PTPN9: variants seen among roughly 807,000 people sequenced by gnomAD.
PTPN9 encodes the protein tyrosine-protein phosphatase non-receptor type 9.
Under a neutral mutation model 69.8 loss-of-function variants are expected in PTPN9, and 26 were observed. The observed-to-expected ratio is 0.37, with a 90% CI of 0.27 to 0.52. The LOEUF is 0.52. PTPN9 is among the 20% of genes least tolerant of loss of function. The pLI, the probability that PTPN9 is intolerant of heterozygous loss-of-function variation, is 0.91. For missense variants in PTPN9, 549 were observed against 740.3 expected (o/e 0.74, Z 3.00); for synonymous variants, 274 against 272.5 (o/e 1.01, Z -0.05).
intron 1 of PTPN9, among the ~76,000 whole-genome samples, chr15:75,568,507 C>CAAAAAAAAAAAAAAAA (rs1206871976): frequency 1.8e-5 from 1 of 56,268 alleles, no homozygotes; most frequent in African/African-American, 6.0e-5. Flanking sequence ...GACCTTGTCT[C>CAAAAAAAAAAAAAAAA]AAAAAAAAAA....
intron 8 of PTPN9, among the ~76,000 whole-genome samples, chr15:75,488,609 G>A (rs974147310): frequency 4.0e-5 from 6 of 151,430 alleles, no homozygotes; most frequent in South Asian, 4.2e-4. Flanking sequence ...GCAACACAGC[G>A]AGACCCTAGG....
intron 4 of PTPN9, among the ~76,000 whole-genome samples, chr15:75,519,587 GTTACA>G (rs1490985061): frequency 6.6e-6 from 1 of 151,904 alleles, no homozygotes; most frequent in Non-Finnish European, 1.5e-5. Flanking sequence ...CACCTAATGT[GTTACA>G]TTAGTGTTAA....
chr15:75,554,715 C>A (rs1253950446), intron 1 of PTPN9, among the ~76,000 whole-genome samples: 1 of 152,152 alleles, frequency 6.6e-6, no homozygotes, highest in Non-Finnish European at 1.5e-5. Context: ...AGTTGATCAG[C>A]TTATTGTACC....
chr15:75,470,750 G>C lies in PTPN9; in HGVS notation c.1289C>G (p.Thr430Arg). 1 of 1,614,190 alleles carries C rather than the reference G, an allele frequency of 6.2e-7. No individual in the cohort carries two copies. The highest frequency in any genetic ancestry group is 8.5e-7 in the Non-Finnish European group (1 of 1,180,014). ...KDSRIRFGFL[T>R]VTNLGVENMN... is the part of the protein sequence containing the mutation. ...GTTCTCCACGCCTAGATTGGTCACT[G>C]TGAGGAAGCCAAATCGGATCCGAGA... The change falls in exon 11 of 13, where the codon ACA becomes AGA. Residue 430 changes from threonine to arginine, a missense_variant. Coordinates refer to ENST00000618819, the MANE Select transcript of PTPN9 (RefSeq NM_002833.4).
chr15:75,512,913 GAT>G (rs1286406992), intron 5 of PTPN9: 1 of 366,820 alleles, frequency 2.7e-6, no homozygotes, highest in African/African-American at 2.1e-5. Context: ...TGTTCTTATA[GAT>G]ACATCTGTAG....
chr15:75,557,766 C>A (rs1266855024), intron 1 of PTPN9, among the ~76,000 whole-genome samples: 1 of 152,140 alleles, frequency 6.6e-6, no homozygotes, highest in Non-Finnish European at 1.5e-5. Context: ...AGCATGACAA[C>A]ATGAGAGGTT....
chr15:75,557,526 G>C lies in PTPN9; in HGVS notation c.63+21188C>G, dbSNP rs189986632. On this transcript the variant is annotated intron_variant, in intron 1 of 12. Transcript: ENST00000618819. Reference sequence around the variant, plus strand: ...CTGTTTCAATTCTTTTATATACTTAGGAGTGAAATTTCTGGGTAATATGGT... The same window carrying C: ...CTGTTTCAATTCTTTTATATACTTACGAGTGAAATTTCTGGGTAATATGGT... 2.1e-3 allele frequency among the ~76,000 whole-genome samples: 325 copies of C among 152,178 alleles called. 2 individuals are homozygous for C. Among genetic ancestry groups the C allele is most frequent in the African/African-American group, 7.3e-3 (303 of 41,536 alleles).
At chr15:75,546,485 C>T (rs1294706296) in intron 1 of PTPN9, among the ~76,000 whole-genome samples, 1 of 151,718 alleles carries the variant, frequency 6.6e-6, no homozygotes, top group East Asian at 1.9e-4. Flanking sequence ...CTACTAAAAG[C>T]ATAAAAAATA....
chr15:75,500,470 G>A (rs1377939667), intron 7 of PTPN9, among the ~76,000 whole-genome samples: 3 of 152,076 alleles, frequency 2.0e-5, no homozygotes, highest in Admixed American at 6.6e-5. Flanking sequence ...CCCACAAGGC[G>A]GAGGTTGCAG....
chr15:75,484,872 T>C (rs1363781554), intron 8 of PTPN9, among the ~76,000 whole-genome samples: 1 of 152,186 alleles, frequency 6.6e-6, no homozygotes, highest in African/African-American at 2.4e-5. Flanking sequence ...TCCTAAGATA[T>C]CTCCACCTCA....
At chr15:75,503,388 C>T (rs1462925556) in intron 7 of PTPN9, among the ~76,000 whole-genome samples, 2 of 140,486 alleles carry the variant, frequency 1.4e-5, no homozygotes, top group East Asian at 4.3e-4. Flanking sequence ...AGTGAGGAGA[C>T]CCTCCGCCCA....
chr15:75,480,822 C>G (rs1038846383), intron 8 of PTPN9: 96 of 502,870 alleles, frequency 1.9e-4, no homozygotes, highest in African/African-American at 1.9e-3. Flanking sequence ...CCGCGGGGCC[C>G]GAGGGCAAGG....
chr15:75,476,503 G>C (rs1045041475), intron 9 of PTPN9, among the ~76,000 whole-genome samples: 1 of 152,094 alleles, frequency 6.6e-6, no homozygotes, highest in Non-Finnish European at 1.5e-5. Context: ...TTAGTAGAGA[G>C]GGGGTTTCAT....
intron 1 of PTPN9, among the ~76,000 whole-genome samples, chr15:75,554,620 C>T (rs1290824929): frequency 1.3e-5 from 2 of 152,178 alleles, no homozygotes; most frequent in Admixed American, 6.6e-5. Context: ...AGCCACCATG[C>T]CCGGCCTAGA....
intron 1 of PTPN9, among the ~76,000 whole-genome samples, chr15:75,530,715 ATAATAT>A (rs2074956804): frequency 6.1e-5 from 2 of 32,554 alleles, no homozygotes; most frequent in Admixed American, 5.1e-4. Flanking sequence ...ATATTATTAT[ATAATAT>A]ATATAATATA....
chr15:75,470,812 C>T lies in PTPN9; in HGVS notation c.1227G>A (p.Arg409=). The T allele has an allele frequency of 6.2e-7, 1 of 1,614,154 alleles. No individual in the cohort carries two copies. Among genetic ancestry groups the T allele is most frequent in the South Asian group, 1.1e-5 (1 of 91,072 alleles). ...VMTTRFEEGG[R]RKCGQYWPLE... The stretch of plus-strand genomic sequence containing the variant: ...AAGGCCAGTACTGGCCACACTTTCT[C>T]CTGCCGCCTTCCTCAAAGCTGAAGA... The change falls in exon 11 of 13, where the codon AGG becomes AGA. Residue 409 remains arginine (R), a synonymous_variant. Transcript: ENST00000618819.
In PTPN9 at chr15:75,524,300, TA is replaced by T; in HGVS notation, c.208-3del. ...AATGCCTTCCTTCCTTCGAGTTTCC[TA>T]AAAAGGAAGCACAGCAAAATGTATT... On this transcript the variant is annotated splice_polypyrimidine_tract_variant and splice_region_variant and intron_variant, in intron 2 of 12. Coordinates refer to ENST00000618819, the MANE Select transcript of PTPN9 (RefSeq NM_002833.4). 1 of 1,600,258 alleles carries T rather than the reference TA, an allele frequency of 6.2e-7. No individual in the cohort carries two copies. The highest frequency in any genetic ancestry group is 8.6e-7 in the Non-Finnish European group (1 of 1,168,024).
Position 75,468,605 on chromosome 15 carries a change from A to T in PTPN9, c.*164T>A. Reference sequence around the variant, plus strand: ...TTCTAGTGGCAATTTCACCACATTTATCTAGCCAAAGGGAAAGGCTGCCTT... The same window carrying T: ...TTCTAGTGGCAATTTCACCACATTTTTCTAGCCAAAGGGAAAGGCTGCCTT... On this transcript the variant is annotated 3_prime_UTR_variant, in exon 13 of 13. Transcript: ENST00000618819. 1.7e-6 allele frequency: 1 copy of T among 600,228 alleles called. No individual in the cohort carries two copies. Among genetic ancestry groups the T allele is most frequent in the Admixed American group, 2.9e-5 (1 of 34,114 alleles). 37.2% of individuals were successfully genotyped at this position (600,228 alleles called of 1,614,324 possible). A position where few individuals can be genotyped will look rare whatever the true frequency, so the allele number is the denominator to read the frequency against.
At chr15:75,498,939 G>A (rs1256106507) in intron 7 of PTPN9, among the ~76,000 whole-genome samples, 1 of 152,144 alleles carries the variant, frequency 6.6e-6, no homozygotes, top group African/African-American at 2.4e-5. Flanking sequence ...AATCAGATTG[G>A]TGGATTGTAT....
Sources: gnomAD v4.1 joint callset for allele counts (sites outside exome capture counted in the v4.1 genomes callset) on GRCh38, gnomAD v4.1.1 for gene constraint, MANE v1.5 for transcripts, NCBI Gene and HGNC (gene_info 2026-07-23, HGNC 2026-07-21) for gene names.